APOB: variants seen among roughly 807,000 people sequenced by gnomAD.
APOB encodes the protein apolipoprotein B-100.
In APOB, 153 loss-of-function variants were observed where a neutral mutation model predicts 314.1. That is an observed-to-expected ratio of 0.49 (90% CI 0.43 to 0.56). The LOEUF is 0.56. Among genes scored for constraint, APOB ranks in the 20% least tolerant of loss-of-function variants. The pLI, the probability that APOB is intolerant of heterozygous loss-of-function variation, is 0.00. For synonymous variants in APOB, 2,087 were observed against 2,036.4 expected (o/e 1.02, Z -0.67); for missense variants, 5,430 against 5,350.7 (o/e 1.01, Z -0.46).
At chr2:21,039,022 T>C (rs1444726935) in intron 4 of APOB, among the ~76,000 whole-genome samples, 1 of 152,228 alleles carries the variant, frequency 6.6e-6, no homozygotes, top group African/African-American at 2.4e-5. Flanking sequence ...TCTCTCTTTC[T>C]GGATTTTTTT....
At chr2:21,029,177 CA>C (rs1230360638) in intron 12 of APOB, among the ~76,000 whole-genome samples, 2 of 152,182 alleles carry the variant, frequency 1.3e-5, no homozygotes, top group Non-Finnish European at 2.9e-5. Context: ...AGGCCAGGTG[CA>C]GTGGCTCACG....
In APOB at chr2:21,006,060, T is replaced by C. The variant is rs370481987; in HGVS notation, c.10808A>G (p.His3603Arg). ...PWQMSALVQV[H>R]ASQPSSFHDF... Reference sequence around the variant, plus strand: ...ATGGAAGGAACTGGGCTGACTTGCATGGACCTGAACAAGAGCTGACATTTG... The same window carrying C: ...ATGGAAGGAACTGGGCTGACTTGCACGGACCTGAACAAGAGCTGACATTTG... Residue 3603 changes from histidine (H) to arginine (R), a missense_variant, in exon 26 of 29, where the codon CAT (histidine) becomes CGT (arginine). Physicochemically the swap from His to Arg is conservative, Grantham distance 29. This residue lies in a region of APOB where 3,281 missense variants were observed against 3,171.0 expected (regional missense o/e 1.03). Transcript: ENST00000233242. 19 of 1,613,942 alleles carry C rather than the reference T, an allele frequency of 1.2e-5. 1 individual carries two copies. The highest frequency in any genetic ancestry group is 2.2e-5 in the South Asian group (2 of 91,090).
At chr2:21,031,509 G>A (rs1663878696) in intron 10 of APOB, among the ~76,000 whole-genome samples, 3 of 152,178 alleles carry the variant, frequency 2.0e-5, no homozygotes, top group Admixed American at 2.0e-4. Flanking sequence ...ACTATATGTT[G>A]TCTGGGTGAT....
rs189880634 is a variant in APOB at position 21,023,593 on chromosome 2, A to C, written c.2536T>G (p.Leu846Val). Reference protein sequence around the residue: ...FELPTGAGLQLQISSSGVIAP... With the variant: ...FELPTGAGLQVQISSSGVIAP... ...ATGACTCCAGATGAAGATATTTGCA[A>C]CTGTAATCCAGCTCCAGTGGGGAGT... Residue 846 changes from leucine (L) to valine (V), a missense_variant, in exon 17 of 29, where the codon TTG becomes GTG. Transcript: ENST00000233242. 1 of 1,614,226 alleles carries C rather than the reference A, an allele frequency of 6.2e-7. No individual in the cohort carries two copies.
chr2:21,029,518 AGG>A, intron 12 of APOB, 119 bp downstream of exon 12: 1 of 1,122,018 alleles, frequency 8.9e-7, no homozygotes, highest in Non-Finnish European at 1.3e-6. Context: ...GAAGGAAGGA[AGG>A]AAAGGAAAGA....
In APOB at chr2:21,010,320, T is replaced by A. The variant is rs748579167; in HGVS notation, c.6548A>T (p.Gln2183Leu). 10 of 1,553,918 alleles carry A rather than the reference T, an allele frequency of 6.4e-6. No individual in the cohort carries two copies. In the South Asian group the frequency reaches 1.1e-4, roughly 17 times the overall value. The part of the protein sequence containing the change: ...QLQTYMIQFD[Q>L]YIKDSYDLHD... ...TAAATCATAACTATCTTTAATATAC[T>A]GATCAAATTGTATCATATATGTCTG... The change falls in exon 26 of 29, where the codon CAG (glutamine) becomes CTG (leucine). Residue 2183 changes from glutamine (Q) to leucine (L), a missense_variant. Physicochemically the swap from Gln to Leu is moderately radical, Grantham distance 113. Coordinates refer to ENST00000233242, the MANE Select transcript of APOB (RefSeq NM_000384.3).
At position 21,012,128 on chromosome 2, in the gene APOB, G is replaced by T; in HGVS notation, c.4740C>A (p.Asn1580Lys). The change falls in exon 26 of 29, where the codon AAC becomes AAA. Residue 1580 changes from asparagine (N) to lysine (K), a missense_variant. Asn to Lys is a moderately conservative substitution (Grantham distance 94, BLOSUM62 0). Transcript: ENST00000233242. ...LKSDTNGKYK[N>K]FATSNKMDMT... Reference sequence around the variant, plus strand: ...TATCCATCTTGTTAGAAGTGGCAAAGTTCTTATACTTCCCATTGGTGTCAG... The same window carrying T: ...TATCCATCTTGTTAGAAGTGGCAAATTTCTTATACTTCCCATTGGTGTCAG... The T allele has an allele frequency of 6.2e-7, 1 of 1,606,932 alleles. No homozygotes were observed. Among genetic ancestry groups the T allele is most frequent in the Non-Finnish European group, 8.5e-7 (1 of 1,175,874 alleles).
Position 21,002,556 on chromosome 2 carries a change from G to T in APOB, c.12866C>A (p.Ser4289Tyr). Reference sequence around the variant, plus strand: ...ACGTAGCACCTCTGTGGTCTTGAGAGACTGAATGGCTTTAAATACCTCTTG... The same window carrying T: ...ACGTAGCACCTCTGTGGTCTTGAGATACTGAATGGCTTTAAATACCTCTTG... ...EAQEVFKAIQ[S>Y]LKTTEVLRNL... Residue 4289 changes from serine (S) to tyrosine (Y), a missense_variant, in exon 29 of 29, where the codon TCT becomes TAT. Ser to Tyr is a moderately radical substitution (Grantham distance 144). Coordinates refer to ENST00000233242, the MANE Select transcript of APOB (RefSeq NM_000384.3). The T allele has an allele frequency of 6.2e-7, 1 of 1,614,014 alleles. No individual in the cohort carries two copies. Among genetic ancestry groups the T allele is most frequent in the Non-Finnish European group, 8.5e-7 (1 of 1,179,928 alleles).
intron 10 of APOB, among the ~76,000 whole-genome samples, chr2:21,031,476 G>A (rs1399119963): frequency 6.6e-6 from 1 of 152,204 alleles, no homozygotes; most frequent in Non-Finnish European, 1.5e-5. Context: ...GAGATGGATG[G>A]TGAGAAATTA....
At chr2:21,040,878 A>T in intron 4 of APOB, 60 bp downstream of exon 4, 1 of 1,597,570 alleles carries the variant, frequency 6.3e-7, no homozygotes, top group South Asian at 1.1e-5. Context: ...GTGCAAACAC[A>T]CAAGTTCATA....
At position 21,010,175 on chromosome 2, in the gene APOB, C is replaced by G; in HGVS notation, c.6693G>C (p.Leu2231Phe). Residue 2231 changes from leucine (L) to phenylalanine (F), a missense_variant, in exon 26 of 29, where the codon TTG becomes TTC. By Grantham distance (22) the Leu-to-Phe change is conservative (BLOSUM62 0). Coordinates refer to ENST00000233242, the MANE Select transcript of APOB (RefSeq NM_000384.3). ...NLVKTIHDLH[L>F]FIENIDFNKS... ...TGTTAAAATCAATATTTTCAATAAA[C>G]AAATGTAGATCATGGATTGTTTTTA... 6.2e-7 allele frequency: 1 copy of G among 1,600,534 alleles called. No individual in the cohort carries two copies. Among genetic ancestry groups the G allele is most frequent in the Non-Finnish European group, 8.5e-7 (1 of 1,170,582 alleles).
Position 21,011,652 on chromosome 2 carries a change from G to A in APOB, c.5216C>T (p.Ser1739Leu). The change falls in exon 26 of 29, where the codon TCA (serine) becomes TTA (leucine). Residue 1739 changes from serine to leucine, a missense_variant. Transcript: ENST00000233242. ...AGCATATGAGCCCATCATGTCATTT[G>A]AGAGCTTAAGTCCTTCTTGACTGAC... Reference protein sequence around the residue: ...FKVSQEGLKLSNDMMGSYAEM... With the variant: ...FKVSQEGLKLLNDMMGSYAEM... 6.2e-7 allele frequency: 1 copy of A among 1,614,176 alleles called. No homozygotes were observed. The highest frequency in any genetic ancestry group is 8.5e-7 in the Non-Finnish European group (1 of 1,180,024).
In APOB at chr2:21,002,000, C is replaced by G. The variant is rs146661220; in HGVS notation, c.13422G>C (p.Gln4474His). The G allele has an allele frequency of 2.4e-5, 39 of 1,613,828 alleles. No homozygotes were observed. The highest frequency in any genetic ancestry group is 3.1e-5 in the Non-Finnish European group (36 of 1,179,986). The change falls in exon 29 of 29, where the codon CAG (glutamine) becomes CAC (histidine). Residue 4474 changes from glutamine to histidine, a missense_variant. Coordinates refer to ENST00000233242, the MANE Select transcript of APOB (RefSeq NM_000384.3). ...EKIAELSATA[Q>H]EIIKSQAIAT... ...CAATGGCCTGGCTTTTAATTATTTC[C>G]TGAGCAGTGGCAGAAAGCTCTGCAA...
At position 21,011,892 on chromosome 2, in the gene APOB, T is replaced by G; in HGVS notation, c.4976A>C (p.Asn1659Thr). 1 of 1,614,004 alleles carries G rather than the reference T, an allele frequency of 6.2e-7. No individual in the cohort carries two copies. Among genetic ancestry groups the G allele is most frequent in the Non-Finnish European group, 8.5e-7 (1 of 1,180,030 alleles). The change falls in exon 26 of 29, where the codon AAC becomes ACC. Residue 1659 changes from asparagine (N) to threonine (T), a missense_variant. Physicochemically the swap from Asn to Thr is moderately conservative, Grantham distance 65. Transcript: ENST00000233242. The part of the protein sequence containing the change: ...QDGISTSATT[N>T]LKCSLLVLEN... ...CAGCACCAGGAGACTACACTTCAAG[T>G]TGGTCGTTGCACTGGTAGATATTCC...
chr2:21,018,963 G>T, intron 20 of APOB, 29 bp downstream of exon 20: 1 of 1,613,882 alleles, frequency 6.2e-7, no homozygotes, highest in Non-Finnish European at 8.5e-7. Context: ...TGCGAGCAGA[G>T]ATGAGGCAGC....
chr2:21,022,717 G>A (rs773203088), intron 18 of APOB, 114 bp downstream of exon 18: 5 of 943,168 alleles, frequency 5.3e-6, no homozygotes, highest in Admixed American at 2.0e-5. Flanking sequence ...CTCCTCTCCT[G>A]CTTCCTCAGG....
Position 21,024,916 on chromosome 2 carries a change from G to A in APOB, c.2436+17C>T. ...ACGTCTGGTCTCATGGGCCCCCAGT[G>A]GGGCCTGCTGACTTACCATCTGGGG... On this transcript the variant is annotated intron_variant, in intron 16 of 28. Transcript: ENST00000233242. The A allele has an allele frequency of 6.2e-7, 1 of 1,613,708 alleles. No homozygotes were observed. Among genetic ancestry groups the A allele is most frequent in the African/African-American group, 1.3e-5 (1 of 74,994 alleles).
chr2:21,005,653 CATTT>C lies in APOB; in HGVS notation c.11211_11214del (p.Asn3738IlefsTer2). The C allele has an allele frequency of 4.3e-6, 7 of 1,613,884 alleles. No individual in the cohort carries two copies. The highest frequency in any genetic ancestry group is 5.9e-6 in the Non-Finnish European group (7 of 1,179,894). ...GGCATGACAAGAACTGAATTTAGAT[CATTT>C]AGTTTCAGCCCAGGAATAATGAATT... On this transcript the variant is annotated frameshift_variant, in exon 26 of 29. Coordinates refer to ENST00000233242, the MANE Select transcript of APOB (RefSeq NM_000384.3). LOFTEE classifies it high-confidence loss of function.
intron 20 of APOB, among the ~76,000 whole-genome samples, chr2:21,017,263 GCT>G (rs1219280930): frequency 6.6e-6 from 1 of 152,066 alleles, no homozygotes; most frequent in Non-Finnish European, 1.5e-5. Context: ...GCTGGGCACT[GCT>G]CTTGGTACTG....
Sources: allele counts gnomAD v4.1 joint callset (sites outside exome capture counted in the v4.1 genomes callset), GRCh38; gene constraint gnomAD v4.1.1; regional missense constraint gnomAD v4.1.1; transcripts MANE v1.5; gene names NCBI Gene and HGNC (gene_info 2026-07-23, HGNC 2026-07-21).